The following SAMTOR variants were observed in gnomAD, a reference collection of about 807,000 sequenced individuals.
SAMTOR encodes UPF0532 protein C7orf60.
chr7:112,895,784 T>A, the SAMTOR span: 1 of 1,316,388 alleles, frequency 7.6e-7, no homozygotes, highest in Non-Finnish European at 1.0e-6. Context: ...TGTGTACGAC[T>A]ACAAAATAAG....
At chr7:112,837,590 T>C in the SAMTOR span, among the ~76,000 whole-genome samples, 18 of 152,048 alleles carry the variant, frequency 1.2e-4, no homozygotes, top group African/African-American at 4.3e-4. Context: ...TCATTAATTG[T>C]ATAGTGTCAA....
At chr7:112,855,099 C>T in the SAMTOR span, among the ~76,000 whole-genome samples, 1 of 152,100 alleles carries the variant, frequency 6.6e-6, no homozygotes, top group Non-Finnish European at 1.5e-5. Flanking sequence ...TCTTAATACA[C>T]CAAAGGTCAT....
the SAMTOR span, chr7:112,822,024 A>G: frequency 2.5e-6 from 4 of 1,613,688 alleles, no homozygotes; most frequent in Middle Eastern, 1.6e-4. Flanking sequence ...CATCAGATGC[A>G]TATGTGAAAA....
At chr7:112,910,007 G>C in the SAMTOR span, among the ~76,000 whole-genome samples, 1 of 151,910 alleles carries the variant, frequency 6.6e-6, no homozygotes, top group East Asian at 1.9e-4. Flanking sequence ...ACTCCCTGAA[G>C]AAACAGTCTG....
At chr7:112,880,853 C>T in the SAMTOR span, among the ~76,000 whole-genome samples, 3 of 152,268 alleles carry the variant, frequency 2.0e-5, no homozygotes, top group East Asian at 5.8e-4. Flanking sequence ...GCAGCGGTAG[C>T]CTGTCTGGAG....
the SAMTOR span, among the ~76,000 whole-genome samples, chr7:112,853,256 T>C: frequency 6.6e-6 from 1 of 152,240 alleles, no homozygotes; most frequent in Non-Finnish European, 1.5e-5. Flanking sequence ...TTTTCCTTTA[T>C]TCAGCGGAAA....
the SAMTOR span, among the ~76,000 whole-genome samples, chr7:112,835,416 C>A: frequency 6.6e-6 from 1 of 152,094 alleles, no homozygotes; most frequent in African/African-American, 2.4e-5. Context: ...AAGGAACATT[C>A]CAGTGTTTCA....
At chr7:112,877,163 T>G in the SAMTOR span, among the ~76,000 whole-genome samples, 19 of 152,336 alleles carry the variant, frequency 1.2e-4, no homozygotes, top group African/African-American at 4.3e-4. Context: ...CTTGCTGAAC[T>G]TAACAAGTAT....
chr7:112,820,693 T>A, the SAMTOR span: 1 of 151,996 alleles, frequency 6.6e-6, no homozygotes, highest in Non-Finnish European at 1.5e-5. Flanking sequence ...ATTGATATAT[T>A]CAAAGAAAAT....
At chr7:112,831,608 T>C in the SAMTOR span, among the ~76,000 whole-genome samples, 21 of 152,116 alleles carry the variant, frequency 1.4e-4, no homozygotes, top group Non-Finnish European at 2.6e-4. Context: ...TGAGTGATCA[T>C]GCCACTGCAC....
chr7:112,848,428 G>T, the SAMTOR span, among the ~76,000 whole-genome samples: 1 of 152,124 alleles, frequency 6.6e-6, no homozygotes, highest in Non-Finnish European at 1.5e-5. Flanking sequence ...TTGAGTAAGA[G>T]AGTCCAGATA....
At chr7:112,854,560 G>T in the SAMTOR span, among the ~76,000 whole-genome samples, 3 of 152,152 alleles carry the variant, frequency 2.0e-5, no homozygotes, top group Non-Finnish European at 2.9e-5. Context: ...AAATAGTCTT[G>T]CAAGAAGCTC....
the SAMTOR span, among the ~76,000 whole-genome samples, chr7:112,826,500 T>C: frequency 1.3e-5 from 2 of 152,284 alleles, no homozygotes; most frequent in South Asian, 2.1e-4. Flanking sequence ...AAATCTGTCA[T>C]GATGTTACCT....
At chr7:112,867,901 G>A in the SAMTOR span, among the ~76,000 whole-genome samples, 27 of 152,278 alleles carry the variant, frequency 1.8e-4, no homozygotes, top group Non-Finnish European at 2.6e-4. Context: ...GGAGGTGAGC[G>A]GCCAGTAAGC....
At chr7:112,870,416 CA>C in the SAMTOR span, among the ~76,000 whole-genome samples, 3 of 152,098 alleles carry the variant, frequency 2.0e-5, no homozygotes, top group Non-Finnish European at 4.4e-5. Flanking sequence ...AAAGAAATGC[CA>C]GCGAAGAATT....
chr7:112,935,053 T>C, the SAMTOR span: 1 of 250,736 alleles, frequency 4.0e-6, no homozygotes, highest in African/African-American at 2.3e-5. Context: ...AGTGCAAACT[T>C]AACAGGACCT....
At chr7:112,826,715 C>G in the SAMTOR span, among the ~76,000 whole-genome samples, 1 of 152,060 alleles carries the variant, frequency 6.6e-6, no homozygotes, top group Non-Finnish European at 1.5e-5. Context: ...TGCTTTGAGA[C>G]TGTTACCTAA....
the SAMTOR span, among the ~76,000 whole-genome samples, chr7:112,864,366 T>G: frequency 6.6e-6 from 1 of 152,170 alleles, no homozygotes. Context: ...AACCTACACT[T>G]GTACCCCTGA....
chr7:112,880,221 T>C, the SAMTOR span, among the ~76,000 whole-genome samples: 12 of 152,284 alleles, frequency 7.9e-5, no homozygotes, highest in African/African-American at 2.6e-4. Context: ...CTCAAATGAT[T>C]TGAACCTTAT....
Sources: gnomAD v4.1 joint callset for allele counts (sites outside exome capture counted in the v4.1 genomes callset) on GRCh38, gnomAD v4.1.1 for gene constraint, MANE v1.5 for transcripts, NCBI Gene and HGNC (gene_info 2026-07-23, HGNC 2026-07-21) for gene names.